GNAL: variants seen among roughly 807,000 people sequenced by gnomAD.
GNAL encodes G protein subunit alpha L.
GNAL carries 18 observed loss-of-function variants against 55.1 expected under a neutral mutation model. The ratio of observed to expected loss-of-function variants is 0.33; its 90% confidence interval spans 0.23 to 0.48. The LOEUF is 0.48. GNAL is among the 20% of genes least tolerant of loss of function. The pLI, the probability that GNAL is intolerant of heterozygous loss-of-function variation, is 0.99. For synonymous variants in GNAL, 253 were observed against 237.0 expected (o/e 1.07, Z -0.62); for missense variants, 412 against 614.1 (o/e 0.67, Z 3.48).
At chr18:11,716,244 C>T (rs1405846566) in intron 1 of GNAL, among the ~76,000 whole-genome samples, 3 of 152,218 alleles carry the variant, frequency 2.0e-5, no homozygotes, top group South Asian at 2.1e-4. Flanking sequence ...CGGACCCTCG[C>T]GGTGAGTGTT....
chr18:11,818,140 C>A (rs1200232318), intron 4 of GNAL, among the ~76,000 whole-genome samples: 2 of 151,184 alleles, frequency 1.3e-5, no homozygotes, highest in Non-Finnish European at 1.5e-5. Flanking sequence ...GGCTGAGGCA[C>A]GAGAATGGCT....
At position 11,884,779 on chromosome 18, in the gene GNAL, C is replaced by A; in HGVS notation, c.*3644C>A. ...CTCACCTGAGACCAAGGGGGCCCAGCCTTCTCCCTGCACAGCTCACCCCCG... is the reference window on the plus strand; with the variant it reads ...CTCACCTGAGACCAAGGGGGCCCAGACTTCTCCCTGCACAGCTCACCCCCG... On this transcript the variant is annotated 3_prime_UTR_variant, in exon 12 of 12. Transcript: ENST00000334049. 2 of 1,343,212 alleles carry A rather than the reference C, an allele frequency of 1.5e-6. No individual in the cohort carries two copies. The highest frequency in any genetic ancestry group is 2.0e-6 in the Non-Finnish European group (2 of 1,013,740). The allele number at this position is 1,343,212 out of a possible 1,614,324, so 83.2% of individuals were successfully genotyped here. A position where few individuals can be genotyped will look rare whatever the true frequency, so the allele number is the denominator to read the frequency against.
intron 1 of GNAL, among the ~76,000 whole-genome samples, chr18:11,726,013 A>G (rs554592301): frequency 1.3e-5 from 2 of 152,314 alleles, no homozygotes; most frequent in South Asian, 2.1e-4. Flanking sequence ...TGAAAAGACT[A>G]TCCTTTCTCC....
At chr18:11,803,638 G>A (rs58359702) in intron 4 of GNAL, among the ~76,000 whole-genome samples, 28,727 of 123,228 alleles carry the variant, frequency 0.23, 4,767 homozygotes, top group African/African-American at 0.44. Flanking sequence ...GATGGAACAC[G>A]GAGATACTGT....
chr18:11,742,109 CAT>C (rs1450701881), intron 1 of GNAL, among the ~76,000 whole-genome samples: 1 of 152,204 alleles, frequency 6.6e-6, no homozygotes, highest in East Asian at 1.9e-4. Flanking sequence ...TCGCCCATCA[CAT>C]GTGCATTTTT....
intron 4 of GNAL, among the ~76,000 whole-genome samples, chr18:11,755,920 G>A (rs1568012401): frequency 6.6e-6 from 1 of 152,170 alleles, no homozygotes; most frequent in Non-Finnish European, 1.5e-5. Context: ...GTTGAAATCA[G>A]GAGTGGTGTT....
At chr18:11,879,497 G>A (rs1325986082) in intron 11 of GNAL, among the ~76,000 whole-genome samples, 1 of 152,030 alleles carries the variant, frequency 6.6e-6, no homozygotes, top group Non-Finnish European at 1.5e-5. Flanking sequence ...CAAGGTGCGG[G>A]GTCTTCCCTC....
intron 5 of GNAL, among the ~76,000 whole-genome samples, chr18:11,835,979 T>C (rs1026193779): frequency 3.9e-5 from 6 of 152,010 alleles, no homozygotes; most frequent in Admixed American, 3.9e-4. Context: ...ACCTCGTCTC[T>C]ACAAATAATT....
intron 5 of GNAL, chr18:11,851,412 C>G: frequency 9.4e-6 from 13 of 1,382,290 alleles, no homozygotes; most frequent in Non-Finnish European, 1.2e-5. Flanking sequence ...GGAAGTGGGA[C>G]CAAAACAAAG....
At chr18:11,816,645 C>T (rs2034963504) in intron 4 of GNAL, among the ~76,000 whole-genome samples, 1 of 151,796 alleles carries the variant, frequency 6.6e-6, no homozygotes, top group South Asian at 2.1e-4. Flanking sequence ...GAAACCCTGT[C>T]TCTACTAAAA....
intron 1 of GNAL, among the ~76,000 whole-genome samples, chr18:11,740,218 C>A (rs928518171): frequency 1.3e-5 from 2 of 152,058 alleles, no homozygotes; most frequent in Non-Finnish European, 1.5e-5. Context: ...CAAATGAGAG[C>A]CCCTTCAATC....
Position 11,824,898 on chromosome 18 carries a change from G to A in GNAL, c.625-20G>A. The A allele has an allele frequency of 7.7e-7, 1 of 1,305,632 alleles. No homozygotes were observed. The highest frequency in any genetic ancestry group is 1.3e-5 in the South Asian group (1 of 77,978). The allele number at this position is 1,305,632 out of a possible 1,614,324, so 80.9% of individuals were successfully genotyped here. The stretch of plus-strand genomic sequence containing the variant: ...TATTACACTTTTTTTTTTTTAATTT[G>A]TAACTCTTTCAAACTTTAGGAATTC... On this transcript the variant is annotated intron_variant, in intron 4 of 11. Coordinates refer to ENST00000334049, the MANE Select transcript of GNAL (RefSeq NM_182978.4).
At chr18:11,863,319 G>A (rs1003603568) in intron 6 of GNAL, among the ~76,000 whole-genome samples, 2 of 152,168 alleles carry the variant, frequency 1.3e-5, no homozygotes, top group African/African-American at 2.4e-5. Flanking sequence ...CCCCAAGGAA[G>A]TTAGAGGGAT....
chr18:11,874,645 T>C (rs1363656117), intron 10 of GNAL, among the ~76,000 whole-genome samples: 2 of 118,436 alleles, frequency 1.7e-5, no homozygotes, highest in Admixed American at 8.4e-5. Context: ...TGAGACTTAG[T>C]CTCAAGAAAA....
chr18:11,746,362 C>CA (rs2032687444), intron 1 of GNAL: 1 of 275,996 alleles, frequency 3.6e-6, no homozygotes, highest in African/African-American at 2.2e-5. Context: ...GTAATCCCAG[C>CA]ACTTTGGGAG....
At chr18:11,848,974 A>G (rs1280121685) in intron 5 of GNAL, among the ~76,000 whole-genome samples, 1 of 152,214 alleles carries the variant, frequency 6.6e-6, no homozygotes, top group Non-Finnish European at 1.5e-5. Context: ...GTGTGGGTTC[A>G]GGCAAGTTTC....
In GNAL at chr18:11,868,316, C is replaced by T; in HGVS notation, c.911-227C>T. Among the ~76,000 whole-genome samples the T allele has an allele frequency of 6.6e-6, 1 of 151,704 alleles. No homozygotes were observed. ...ACTCCATCTCAAAAAAAAAAAAGCA[C>T]TTAAGCATCCCAAATTTACATGTGT... On this transcript the variant is annotated intron_variant, in intron 8 of 11. Coordinates refer to ENST00000334049, the MANE Select transcript of GNAL (RefSeq NM_182978.4). The surrounding 1 kb of genome is among the most constrained non-coding windows in gnomAD (Gnocchi z 4.0).
intron 11 of GNAL, 85 bp downstream of exon 11, chr18:11,876,773 C>A (rs1380364959): frequency 1.2e-6 from 1 of 802,174 alleles, no homozygotes; most frequent in Non-Finnish European, 2.3e-6. Flanking sequence ...CCTTGATGAT[C>A]TCATTTAATC....
chr18:11,725,938 G>A (rs537231876), intron 1 of GNAL, among the ~76,000 whole-genome samples: 4 of 152,224 alleles, frequency 2.6e-5, no homozygotes, highest in Non-Finnish European at 5.9e-5. Context: ...ACCAGCATTT[G>A]GTGGTGTTGG....
Sources: allele counts gnomAD v4.1 joint callset (sites outside exome capture counted in the v4.1 genomes callset), GRCh38; gene constraint gnomAD v4.1.1; non-coding constraint Gnocchi (gnomAD v3.1); transcripts MANE v1.5; gene names NCBI Gene and HGNC (gene_info 2026-07-23, HGNC 2026-07-21).